Variants in USP22 observed in about 807,000 individuals in gnomAD.
USP22 encodes ubiquitin specific peptidase 22.
A neutral mutation model predicts 68.1 loss-of-function variants in USP22; 22 were observed. The ratio of observed to expected loss-of-function variants is 0.32; its 90% CI spans 0.23 to 0.46. The LOEUF (loss-of-function observed/expected upper bound fraction) is 0.46, where lower values mean the gene tolerates loss of function less well. Among genes scored for constraint, USP22 ranks in the 20% least tolerant of loss-of-function variants. The pLI is 1.00. For synonymous variants in USP22, 279 were observed against 274.2 expected, an observed-to-expected ratio of 1.02 and a Z score of -0.17; for missense variants, 433 against 695.8, an observed-to-expected ratio of 0.62 and a Z score of 4.25.
At chr17:21,017,266 G>A (rs1245830398) in intron 5 of USP22, among the ~76,000 whole-genome samples, 1 of 152,238 alleles carries the variant, frequency 6.6e-6, no homozygotes, top group East Asian at 1.9e-4. Flanking sequence ...ATGGGAACAG[G>A]CCAGGGCTGT....
intron 1 of USP22, among the ~76,000 whole-genome samples, chr17:21,033,497 G>C (rs1972317131): frequency 6.6e-6 from 1 of 152,096 alleles, no homozygotes; most frequent in Non-Finnish European, 1.5e-5. Context: ...AGGAGCAAGA[G>C]GGGCAGAGCC....
chr17:21,019,003 A>G (rs1433647097), intron 4 of USP22, 81 bp downstream of exon 4: 1 of 1,406,676 alleles, frequency 7.1e-7, no homozygotes, highest in Non-Finnish European at 1.0e-6. Context: ...AATCATGTGG[A>G]CTTAAGAAAC....
Position 21,004,306 on chromosome 17 carries a change from A to G in USP22, c.1431T>C (p.Ser477=), listed in dbSNP as rs1913703365. 1 of 1,613,968 alleles carries G rather than the reference A, an allele frequency of 6.2e-7. No individual in the cohort carries two copies. Among genetic ancestry groups the G allele is most frequent in the Non-Finnish European group, 8.5e-7 (1 of 1,179,956 alleles). ...AVVNHQGTLE[S]GHYTSFIRQH... is the part of the protein sequence containing the mutation. ...GCCGGATAAAGCTGGTGTAGTGGCCACTCTCCAAGGTCCCTTGATGGTTAA... is the reference window on the plus strand; with the variant it reads ...GCCGGATAAAGCTGGTGTAGTGGCCGCTCTCCAAGGTCCCTTGATGGTTAA... Residue 477 remains serine (S), a synonymous_variant, in exon 12 of 13, where the codon AGT becomes AGC. Transcript: ENST00000261497.
chr17:21,011,382 G>A, intron 7 of USP22, 73 bp from the exon 8 acceptor site: 2 of 1,530,512 alleles, frequency 1.3e-6, no homozygotes, highest in Non-Finnish European at 1.8e-6. Context: ...CGGGGTGGAA[G>A]CCGTTCCCAC....
chr17:21,028,504 G>A (rs1972249829), intron 2 of USP22, 38 bp downstream of exon 2: 1 of 1,605,962 alleles, frequency 6.2e-7, no homozygotes, highest in Non-Finnish European at 8.5e-7. Flanking sequence ...GCAATTTGGG[G>A]GCCACAACTA....
At chr17:21,004,578 GGAGT>G (rs1263798871) in intron 11 of USP22, among the ~76,000 whole-genome samples, 3 of 152,182 alleles carry the variant, frequency 2.0e-5, no homozygotes, top group Non-Finnish European at 4.4e-5. Context: ...CCATCTAGTG[GGAGT>G]GGTGACTGCA....
chr17:21,037,749 T>C (rs566205571), intron 1 of USP22, among the ~76,000 whole-genome samples: 1 of 152,170 alleles, frequency 6.6e-6, no homozygotes, highest in Non-Finnish European at 1.5e-5. Context: ...TGCAGTGTAG[T>C]TAATGAACTA....
At chr17:21,006,184 C>T (rs563463447) in intron 10 of USP22, among the ~76,000 whole-genome samples, 10 of 152,322 alleles carry the variant, frequency 6.6e-5, no homozygotes, top group African/African-American at 2.2e-4. Flanking sequence ...ACAGGAAACT[C>T]CTATGTGTCT....
At chr17:21,015,950 AAC>A (rs771141714) in intron 5 of USP22, 51 bp from the exon 6 acceptor site, 48 of 1,592,258 alleles carry the variant, frequency 3.0e-5, no homozygotes, top group Non-Finnish European at 3.9e-5. Flanking sequence ...GTAGACTCTG[AAC>A]ACAGAGTACA....
chr17:21,033,065 G>C (rs912410407), intron 1 of USP22, among the ~76,000 whole-genome samples: 10 of 152,096 alleles, frequency 6.6e-5, no homozygotes, highest in African/African-American at 2.4e-4. Flanking sequence ...GCCCAGTGGG[G>C]GCATCCACAG....
chr17:21,010,091 G>A (rs1157700944), intron 8 of USP22, among the ~76,000 whole-genome samples: 1 of 152,110 alleles, frequency 6.6e-6, no homozygotes, highest in Non-Finnish European at 1.5e-5. Context: ...CTGAGCCCAG[G>A]AGATCGAGGT....
Position 21,012,847 on chromosome 17 carries a change from G to A in USP22, c.927C>T (p.Val309=), listed in dbSNP as rs747540952. The change falls in exon 7 of 13, where the codon GTC becomes GTT. Residue 309 remains valine (V), a synonymous_variant. Transcript: ENST00000261497. ...TCACTTACTGGCAGACTTGGCAGGT[G>A]ACGTCTGACTGCAACCCGCCTGTGA... is the stretch of plus-strand genomic sequence containing the variant. ...QIFTGGLQSD[V]TCQVCHGVST... 7 of 1,613,918 alleles carry A rather than the reference G, an allele frequency of 4.3e-6. No individual in the cohort carries two copies. Among genetic ancestry groups the A allele is most frequent in the Non-Finnish European group, 5.9e-6 (7 of 1,180,012 alleles).
intron 1 of USP22, chr17:21,042,389 G>A (rs1439540116): frequency 4.2e-6 from 1 of 237,394 alleles, no homozygotes; most frequent in Non-Finnish European, 8.1e-6. Flanking sequence ...GGAGGGGGAG[G>A]GGACAGAGAG....
chr17:21,018,795 T>C (rs1972119786), intron 4 of USP22, among the ~76,000 whole-genome samples: 1 of 152,216 alleles, frequency 6.6e-6, no homozygotes, highest in Admixed American at 6.5e-5. Context: ...TCCCTGAAGA[T>C]TACTGTGCCC....
intron 3 of USP22, among the ~76,000 whole-genome samples, chr17:21,020,386 G>T (rs1373622987): frequency 6.6e-6 from 1 of 152,182 alleles, no homozygotes; most frequent in Non-Finnish European, 1.5e-5. Context: ...GGTGGCGACG[G>T]CAAGTGCAAA....
chr17:21,007,038 TCA>T, intron 9 of USP22, 51 bp from the exon 10 acceptor site: 3 of 1,504,018 alleles, frequency 2.0e-6, no homozygotes, highest in Non-Finnish European at 2.7e-6. Context: ...ATCAGAAATG[TCA>T]CTGGAAGCTT....
chr17:21,036,421 G>A (rs1417962993), intron 1 of USP22, among the ~76,000 whole-genome samples: 3 of 149,250 alleles, frequency 2.0e-5, no homozygotes, highest in African/African-American at 4.9e-5. Context: ...ACACAACTCC[G>A]CCAAGAGGGG....
chr17:21,036,763 A>AAT (rs1972363563), intron 1 of USP22, among the ~76,000 whole-genome samples: 1 of 152,194 alleles, frequency 6.6e-6, no homozygotes, highest in South Asian at 2.1e-4. Flanking sequence ...GATGCTGATG[A>AAT]ATATATATCA....
chr17:21,041,112 T>C (rs1225661224), intron 1 of USP22, among the ~76,000 whole-genome samples: 1 of 151,640 alleles, frequency 6.6e-6, no homozygotes, highest in Non-Finnish European at 1.5e-5. Context: ...CTCGAACTCC[T>C]GACCTCGTGA....
Sources: allele counts gnomAD v4.1 joint callset (sites outside exome capture counted in the v4.1 genomes callset), GRCh38; gene constraint gnomAD v4.1.1; transcripts MANE v1.5; gene names NCBI Gene and HGNC (gene_info 2026-07-23, HGNC 2026-07-21).